The following PCDHAC1 variants were observed in gnomAD, a reference collection of about 807,000 sequenced individuals.
PCDHAC1 encodes the protein protocadherin alpha subfamily C, 1.
PCDHAC1 carries 42 observed loss-of-function variants against 60.0 expected under a neutral mutation model. The observed-to-expected ratio is 0.70, with a 90% CI of 0.55 to 0.90. The LOEUF (loss-of-function observed/expected upper bound fraction) is 0.90. Ranked by LOEUF, PCDHAC1 falls within the 40% of genes least tolerant of loss-of-function variation. PCDHAC1 has a pLI of 0.00. For missense variants in PCDHAC1, 1,160 were observed against 1,222.3 expected (o/e 0.95, Z 0.76); for synonymous variants, 468 against 499.3 (o/e 0.94, Z 0.84).
chr5:141,002,335 ACC>A (rs1554258611), intron 3 of PCDHAC1, among the ~76,000 whole-genome samples: 81 of 152,230 alleles, frequency 5.3e-4, no homozygotes, highest in African/African-American at 2.0e-3. Flanking sequence ...CTGCATCCGC[ACC>A]CCTTCCCCCA....
chr5:140,977,122 AG>A (rs2096747423), intron 1 of PCDHAC1, among the ~76,000 whole-genome samples: 1 of 152,226 alleles, frequency 6.6e-6, no homozygotes, highest in South Asian at 2.1e-4. Flanking sequence ...TAATGAACTG[AG>A]TTTCCTGGTC....
chr5:140,967,279 T>C, intron 1 of PCDHAC1: 1 of 1,613,002 alleles, frequency 6.2e-7, no homozygotes, highest in South Asian at 1.1e-5. Context: ...ACATAGAGAG[T>C]GCGCAGGACC....
intron 1 of PCDHAC1, among the ~76,000 whole-genome samples, chr5:140,937,259 G>A (rs1306999153): frequency 1.3e-5 from 2 of 151,850 alleles, no homozygotes; most frequent in East Asian, 3.9e-4. Context: ...GGATGGTCTC[G>A]ATCTCCTGAC....
At position 140,968,861 on chromosome 5, in the gene PCDHAC1, C is replaced by G; in HGVS notation, c.2434-10088C>G. 1.9e-6 allele frequency: 3 copies of G among 1,614,182 alleles called. No homozygotes were observed. In the South Asian group the frequency reaches 3.3e-5, roughly 18 times the overall value. ...CACTCAGAGGCATGTTAAGAGCCCT[C>G]GGACATACTCTGAAATTACCCTTTA... is the stretch of plus-strand genomic sequence containing the variant. On this transcript the variant is annotated intron_variant, in intron 1 of 3. Coordinates refer to ENST00000253807, the MANE Select transcript of PCDHAC1 (RefSeq NM_018898.5).
chr5:140,995,276 C>T (rs2097674050), intron 3 of PCDHAC1, among the ~76,000 whole-genome samples: 4 of 152,030 alleles, frequency 2.6e-5, no homozygotes, highest in Non-Finnish European at 1.5e-5. Flanking sequence ...CCCTTTGATA[C>T]CAAAACAGCC....
At chr5:141,004,331 C>G (rs1244942275) in intron 3 of PCDHAC1, among the ~76,000 whole-genome samples, 1 of 152,210 alleles carries the variant, frequency 6.6e-6, no homozygotes, top group Non-Finnish European at 1.5e-5. Flanking sequence ...AGGTGAGGCA[C>G]AGTGGTCTGT....
chr5:140,983,378 G>A (rs782292944), intron 3 of PCDHAC1, among the ~76,000 whole-genome samples: 1 of 152,162 alleles, frequency 6.6e-6, no homozygotes, highest in Non-Finnish European at 1.5e-5. Flanking sequence ...GAGGCCCATC[G>A]CTGTGGCAGT....
At chr5:140,962,126 C>A (rs1429316991) in intron 1 of PCDHAC1, among the ~76,000 whole-genome samples, 1 of 152,094 alleles carries the variant, frequency 6.6e-6, no homozygotes. Flanking sequence ...ACCTTGGCCT[C>A]GGCCTCCCAA....
chr5:140,943,006 C>A (rs1314561126), intron 1 of PCDHAC1, among the ~76,000 whole-genome samples: 2 of 151,932 alleles, frequency 1.3e-5, no homozygotes, highest in East Asian at 3.9e-4. Flanking sequence ...CCTGTAATCC[C>A]AGCACTTTGG....
chr5:140,943,257 C>CA (rs1238620023), intron 1 of PCDHAC1, among the ~76,000 whole-genome samples: 3,333 of 76,804 alleles, frequency 0.043, 169 homozygotes, highest in Admixed American at 0.1. Context: ...GACTCTGTCT[C>CA]AAAAAAAAAA....
At chr5:140,969,606 C>T (rs2096345912) in intron 1 of PCDHAC1, 1 of 758,598 alleles carries the variant, frequency 1.3e-6, no homozygotes, top group South Asian at 2.1e-5. Context: ...AATGCTAAAA[C>T]ACAGATTTGT....
chr5:140,974,330 A>G (rs542172748), intron 1 of PCDHAC1, among the ~76,000 whole-genome samples: 1 of 152,346 alleles, frequency 6.6e-6, no homozygotes, highest in African/African-American at 2.4e-5. Flanking sequence ...CTGCTGTGCT[A>G]GCAGGCTATG....
At chr5:140,977,865 G>C (rs2096778412) in intron 1 of PCDHAC1, among the ~76,000 whole-genome samples, 4 of 152,172 alleles carry the variant, frequency 2.6e-5, no homozygotes, top group Non-Finnish European at 5.9e-5. Flanking sequence ...ACCAAATATG[G>C]TAAGTATAAT....
chr5:140,963,850 A>T (rs2095793640), intron 1 of PCDHAC1, among the ~76,000 whole-genome samples: 1 of 152,244 alleles, frequency 6.6e-6, no homozygotes. Flanking sequence ...TAATCATAAT[A>T]ATAACCGTAT....
At chr5:140,989,462 G>A (rs531421005) in intron 3 of PCDHAC1, among the ~76,000 whole-genome samples, 27 of 152,326 alleles carry the variant, frequency 1.8e-4, no homozygotes, top group Non-Finnish European at 2.9e-4. Context: ...GTTAGGCTTG[G>A]AACTCCTCCT....
At chr5:140,969,760 C>T (rs1166018588) in intron 1 of PCDHAC1, among the ~76,000 whole-genome samples, 1 of 152,194 alleles carries the variant, frequency 6.6e-6, no homozygotes, top group Non-Finnish European at 1.5e-5. Flanking sequence ...TTAAAAAGCT[C>T]TGAGGCCTCT....
rs1554204727 is a variant in PCDHAC1, at chr5:140,927,555, C to T, written c.663C>T (p.Ile221=). 14 of 1,614,058 alleles carry T rather than the reference C, an allele frequency of 8.7e-6. No individual in the cohort carries two copies. The highest frequency in any genetic ancestry group is 2.2e-5 in the East Asian group (1 of 44,884). ...PARSGDAQVT[I]IVVDTNDNAP... The stretch of plus-strand genomic sequence containing the variant: ...GCTCAGGAGACGCACAAGTCACCAT[C>T]ATTGTGGTGGACACAAATGACAACG... Residue 221 remains isoleucine, a synonymous_variant, in exon 1 of 4, where the codon ATC becomes ATT. Coordinates refer to ENST00000253807, the MANE Select transcript of PCDHAC1 (RefSeq NM_018898.5).
intron 3 of PCDHAC1, among the ~76,000 whole-genome samples, chr5:140,992,344 T>G (rs2097506257): frequency 6.6e-6 from 1 of 152,124 alleles, no homozygotes; most frequent in Non-Finnish European, 1.5e-5. Context: ...GATGGAAATG[T>G]GGAGAGAGGA....
chr5:140,957,063 C>T (rs2095330338), intron 1 of PCDHAC1, among the ~76,000 whole-genome samples: 2 of 152,058 alleles, frequency 1.3e-5, no homozygotes, highest in African/African-American at 4.8e-5. Flanking sequence ...ATAAATGTGA[C>T]TGAGGGCTTT....
Sources: gnomAD v4.1 joint callset for allele counts (sites outside exome capture counted in the v4.1 genomes callset) on GRCh38, gnomAD v4.1.1 for gene constraint, MANE v1.5 for transcripts, NCBI Gene and HGNC (gene_info 2026-07-23, HGNC 2026-07-21) for gene names.